ARHGAP24: variants seen among roughly 807,000 people sequenced by gnomAD.
ARHGAP24 encodes rho GTPase-activating protein 24.
In ARHGAP24, 50 loss-of-function variants were observed where a neutral mutation model predicts 76.4. That is an observed-to-expected ratio of 0.65 (90% CI 0.52 to 0.83). ARHGAP24 has a LOEUF of 0.83. ARHGAP24 is among the 40% of genes least tolerant of loss of function. The pLI is 0.00. For synonymous variants in ARHGAP24, 345 were observed against 323.3 expected (o/e 1.07, Z -0.72); for missense variants, 930 against 914.2 (o/e 1.02, Z -0.22).
At chr4:85,843,626 T>C (rs542465064) in intron 3 of ARHGAP24, among the ~76,000 whole-genome samples, 1 of 152,234 alleles carries the variant, frequency 6.6e-6, no homozygotes, top group South Asian at 2.1e-4. Context: ...GTATTTTGTG[T>C]GTGATTTTCT....
chr4:85,536,893 G>C (rs931511764), intron 1 of ARHGAP24, among the ~76,000 whole-genome samples: 1 of 152,028 alleles, frequency 6.6e-6, no homozygotes, highest in Non-Finnish European at 1.5e-5. Flanking sequence ...TAGGTCATAG[G>C]TGATTTTATA....
chr4:85,757,926 G>T (rs540484368), intron 3 of ARHGAP24, among the ~76,000 whole-genome samples: 1 of 152,084 alleles, frequency 6.6e-6, no homozygotes, highest in East Asian at 1.9e-4. Context: ...GTATGAGATG[G>T]TATCTCATTG....
At chr4:85,513,558 T>TAA (rs370838261) in intron 1 of ARHGAP24, among the ~76,000 whole-genome samples, 96 of 146,448 alleles carry the variant, frequency 6.6e-4, no homozygotes, top group African/African-American at 1.3e-3. Context: ...TGCCTTTTTT[T>TAA]TAAAAAAAAA....
At chr4:85,599,793 G>T (rs1202343144) in intron 2 of ARHGAP24, among the ~76,000 whole-genome samples, 4 of 151,902 alleles carry the variant, frequency 2.6e-5, no homozygotes, top group African/African-American at 7.2e-5. Flanking sequence ...TATAATTGCA[G>T]AAATTATAGA....
intron 1 of ARHGAP24, among the ~76,000 whole-genome samples, chr4:85,556,220 A>G (rs1726358674): frequency 6.6e-6 from 1 of 151,998 alleles, no homozygotes; most frequent in African/African-American, 2.4e-5. Flanking sequence ...AGTATGAGTA[A>G]AACCCTCAGG....
intron 4 of ARHGAP24, among the ~76,000 whole-genome samples, chr4:85,924,301 A>G (rs986973830): frequency 2.0e-5 from 3 of 152,184 alleles, no homozygotes; most frequent in Non-Finnish European, 4.4e-5. Flanking sequence ...AGTGTTGAGA[A>G]TGCACCATGT....
intron 8 of ARHGAP24, among the ~76,000 whole-genome samples, chr4:85,978,771 A>G (rs532921795): frequency 9.3e-4 from 142 of 152,244 alleles, no homozygotes; most frequent in Non-Finnish European, 1.7e-3. Context: ...AAATAACTAT[A>G]TATTTAAAAA....
At chr4:85,874,967 A>G in intron 3 of ARHGAP24, among the ~76,000 whole-genome samples, 1 of 120,096 alleles carries the variant, frequency 8.3e-6, no homozygotes, top group African/African-American at 3.3e-5. Flanking sequence ...TTATATATAA[A>G]TATATTTTTA....
At chr4:85,786,649 A>AAC (rs71672795) in intron 3 of ARHGAP24, among the ~76,000 whole-genome samples, 30,297 of 151,884 alleles carry the variant, frequency 0.2, 4,060 homozygotes, top group Non-Finnish European at 0.3. Context: ...ATCTCTTATG[A>AAC]ACACACACAC....
At chr4:85,602,807 C>T (rs371273741) in intron 2 of ARHGAP24, among the ~76,000 whole-genome samples, 29 of 152,182 alleles carry the variant, frequency 1.9e-4, no homozygotes, top group South Asian at 4.2e-4. Flanking sequence ...TTTCTCTTGG[C>T]GTCCTATTCT....
At chr4:85,878,854 G>T (rs1004791494) in intron 3 of ARHGAP24, among the ~76,000 whole-genome samples, 1 of 152,046 alleles carries the variant, frequency 6.6e-6, no homozygotes, top group African/African-American at 2.4e-5. Context: ...ATCATTTTCT[G>T]CACAACCTTG....
chr4:85,498,917 G>T (rs1442853015), intron 1 of ARHGAP24, among the ~76,000 whole-genome samples: 1 of 152,268 alleles, frequency 6.6e-6, no homozygotes, highest in Non-Finnish European at 1.5e-5. Context: ...TTCAAATATT[G>T]TCATACATTT....
Position 85,901,154 on chromosome 4 carries a change from C to T in ARHGAP24, c.269-22494C>T, listed in dbSNP as rs149323210. 1.1e-4 allele frequency among the ~76,000 whole-genome samples: 17 copies of T among 152,236 alleles called. No homozygotes were observed. The East Asian group carries it at 3.3e-3, about 29-fold the overall frequency. On this transcript the variant is annotated intron_variant, in intron 3 of 9. Transcript: ENST00000395184. ...AAGTAGGGATTGAATGATTGGTGTT[C>T]TCCTTCACTTCACTCATACTTTCTA... is the stretch of plus-strand genomic sequence containing the variant.
chr4:85,597,196 A>C (rs987000056), intron 2 of ARHGAP24, among the ~76,000 whole-genome samples: 1 of 152,152 alleles, frequency 6.6e-6, no homozygotes, highest in African/African-American at 2.4e-5. Context: ...ACCAATCTTA[A>C]GATGTAAGGT....
At chr4:85,806,969 A>C (rs996987749) in intron 3 of ARHGAP24, among the ~76,000 whole-genome samples, 15 of 152,184 alleles carry the variant, frequency 9.9e-5, no homozygotes, top group Admixed American at 2.6e-4. Context: ...TTCTAAAATA[A>C]TTTTATTTAC....
At chr4:85,999,638 A>G (rs147400006) in intron 9 of ARHGAP24, among the ~76,000 whole-genome samples, 1 of 152,330 alleles carries the variant, frequency 6.6e-6, no homozygotes, top group African/African-American at 2.4e-5. Context: ...GATACATCTT[A>G]AATAAAGATG....
At chr4:85,725,830 G>C (rs544145379) in intron 3 of ARHGAP24, among the ~76,000 whole-genome samples, 11 of 152,302 alleles carry the variant, frequency 7.2e-5, no homozygotes, top group East Asian at 1.9e-4. Flanking sequence ...AATGCAGGCT[G>C]TTCCACTGTT....
intron 1 of ARHGAP24, among the ~76,000 whole-genome samples, chr4:85,530,609 C>G (rs1409018854): frequency 3.9e-5 from 6 of 151,984 alleles, no homozygotes; most frequent in Admixed American, 2.0e-4. Context: ...ATGTTTAATG[C>G]TTGCCTTGCT....
chr4:85,851,967 C>T (rs1731261024), intron 3 of ARHGAP24, among the ~76,000 whole-genome samples: 1 of 152,096 alleles, frequency 6.6e-6, no homozygotes, highest in African/African-American at 2.4e-5. Flanking sequence ...GTAGTGTTCT[C>T]TGTATTTCTT....
Sources: gnomAD v4.1 joint callset for allele counts (sites outside exome capture counted in the v4.1 genomes callset) on GRCh38, gnomAD v4.1.1 for gene constraint, MANE v1.5 for transcripts, NCBI Gene and HGNC (gene_info 2026-07-23, HGNC 2026-07-21) for gene names.